ADAMTSL1: variants seen among roughly 807,000 people sequenced by gnomAD.
ADAMTSL1 encodes ADAMTS like 1, also known as ADAMTS-like protein 1.
In ADAMTSL1, 126 loss-of-function variants were observed where a neutral mutation model predicts 201.8. The ratio of observed to expected loss-of-function variants is 0.62; its 90% confidence interval spans 0.54 to 0.72. ADAMTSL1 has a LOEUF of 0.72. Ranked by LOEUF, ADAMTSL1 falls within the 30% of genes least tolerant of loss-of-function variation. The pLI is 0.00. For synonymous variants in ADAMTSL1, 1,121 were observed against 903.4 expected, an observed-to-expected ratio of 1.24 and a Z score of -4.32; for missense variants, 2,679 against 2,277.8, an observed-to-expected ratio of 1.18 and a Z score of -3.59.
At chr9:18,602,146 G>A (rs1824703577) in intron 4 of ADAMTSL1, among the ~76,000 whole-genome samples, 1 of 152,178 alleles carries the variant, frequency 6.6e-6, no homozygotes, top group Non-Finnish European at 1.5e-5. Flanking sequence ...TGAGAAGGTA[G>A]TCATATCTTG....
intron 4 of ADAMTSL1, among the ~76,000 whole-genome samples, chr9:18,589,758 G>C (rs1823788529): frequency 6.6e-6 from 1 of 152,062 alleles, no homozygotes; most frequent in Non-Finnish European, 1.5e-5. Context: ...TACCCAATTT[G>C]TTGAGGGTTT....
chr9:18,806,596 C>T (rs1260411989), intron 20 of ADAMTSL1, among the ~76,000 whole-genome samples: 1 of 152,230 alleles, frequency 6.6e-6, no homozygotes, highest in Non-Finnish European at 1.5e-5. Context: ...GCTTCTCTCT[C>T]AATCACCTTT....
intron 2 of ADAMTSL1, among the ~76,000 whole-genome samples, chr9:18,510,708 T>A (rs931903050): frequency 1.3e-5 from 2 of 152,020 alleles, no homozygotes; most frequent in Admixed American, 1.3e-4. Context: ...ATAATGTAAC[T>A]TTTACTAATC....
At chr9:18,418,320 A>C (rs1056283539) in intron 2 of ADAMTSL1, among the ~76,000 whole-genome samples, 9 of 152,202 alleles carry the variant, frequency 5.9e-5, no homozygotes, top group African/African-American at 2.2e-4. Flanking sequence ...AGTGATGTCC[A>C]ATCTCACTGC....
chr9:18,774,103 G>A (rs1244389037), intron 17 of ADAMTSL1, among the ~76,000 whole-genome samples: 3 of 151,946 alleles, frequency 2.0e-5, no homozygotes, highest in South Asian at 2.1e-4. Context: ...TCAAGTTAAC[G>A]TGGCACACTC....
Position 18,775,734 on chromosome 9 carries a change from C to T in ADAMTSL1, c.2398-9C>T. The T allele has an allele frequency of 1.2e-6, 2 of 1,611,848 alleles. No homozygotes were observed. The highest frequency in any genetic ancestry group is 2.2e-5 in the South Asian group (2 of 90,298). On this transcript the variant is annotated splice_polypyrimidine_tract_variant and intron_variant, in intron 17 of 28. Transcript: ENST00000380548. ...ATTTATGTGCATTTGGCCTTTCTTTCTCCACCAGTGTTCCACAAGCTGCGG... is the reference window on the plus strand; with the variant it reads ...ATTTATGTGCATTTGGCCTTTCTTTTTCCACCAGTGTTCCACAAGCTGCGG...
chr9:18,082,241 C>T (rs1311483867), intron 1 of ADAMTSL1, among the ~76,000 whole-genome samples: 1 of 152,006 alleles, frequency 6.6e-6, no homozygotes, highest in African/African-American at 2.4e-5. Flanking sequence ...TAAATATGTG[C>T]CCATATTAAG....
intron 1 of ADAMTSL1, among the ~76,000 whole-genome samples, chr9:18,499,834 A>C (rs1423444900): frequency 6.6e-6 from 1 of 152,220 alleles, no homozygotes; most frequent in African/African-American, 2.4e-5. Context: ...TTCAGCTGTT[A>C]TATGACTTCA....
At chr9:18,704,631 A>G (rs575754409) in intron 13 of ADAMTSL1, among the ~76,000 whole-genome samples, 1 of 152,346 alleles carries the variant, frequency 6.6e-6, no homozygotes, top group East Asian at 1.9e-4. Context: ...TTGTCACAGG[A>G]GCCAGGTAGG....
At chr9:18,092,334 AAAGGAAG>A (rs1824060100) in intron 1 of ADAMTSL1, among the ~76,000 whole-genome samples, 2 of 152,182 alleles carry the variant, frequency 1.3e-5, no homozygotes, top group Admixed American at 1.3e-4. Context: ...AAGGCTTCGC[AAAGGAAG>A]TGACATTTTT....
chr9:18,671,867 C>G (rs1829836611), intron 9 of ADAMTSL1, among the ~76,000 whole-genome samples: 2 of 152,176 alleles, frequency 1.3e-5, no homozygotes, highest in South Asian at 4.2e-4. Context: ...GAAACCCCAT[C>G]TCTACTAAAA....
At chr9:18,723,551 A>G (rs761849091) in intron 15 of ADAMTSL1, 13 of 161,374 alleles carry the variant, frequency 8.1e-5, no homozygotes, top group Non-Finnish European at 1.8e-4. Context: ...TTGTTGACTC[A>G]CAGACAAGAA....
chr9:18,886,223 CATATACATACATACAAGTATAT>C (rs1828882645), intron 23 of ADAMTSL1, among the ~76,000 whole-genome samples: 1 of 104,562 alleles, frequency 9.6e-6, no homozygotes, highest in South Asian at 3.1e-4. Context: ...CACACACATA[CATATACATACATACAAGTATAT>C]ACATACATAC....
At chr9:18,825,740 G>A (rs1280647708) in intron 21 of ADAMTSL1, among the ~76,000 whole-genome samples, 1 of 150,408 alleles carries the variant, frequency 6.6e-6, no homozygotes, top group African/African-American at 2.5e-5. Flanking sequence ...TCATTCCACT[G>A]ACTACTAACA....
chr9:18,712,143 G>C lies in ADAMTSL1; in HGVS notation c.1876+5095G>C, dbSNP rs1156293236. Among the ~76,000 whole-genome samples, 12 of 152,136 alleles carry C rather than the reference G, an allele frequency of 7.9e-5. No individual in the cohort carries two copies. The South Asian group carries it at 2.5e-3, about 32-fold the overall frequency. ...AAAAGTAGATAAAACCACAAAGATG[G>C]GGAAAAAAACAGAACAGAAAAACTG... On this transcript the variant is annotated intron_variant, in intron 14 of 28. Transcript: ENST00000380548.
At chr9:18,579,273 C>T (rs988833413) in intron 4 of ADAMTSL1, among the ~76,000 whole-genome samples, 1 of 145,844 alleles carries the variant, frequency 6.9e-6, no homozygotes, top group African/African-American at 2.6e-5. Context: ...CATATTCTCA[C>T]TCATAGGTGG....
At chr9:18,230,229 A>G (rs2132403423) in intron 2 of ADAMTSL1, among the ~76,000 whole-genome samples, 1 of 152,240 alleles carries the variant, frequency 6.6e-6, no homozygotes, top group East Asian at 1.9e-4. Context: ...GGCACTCATC[A>G]TATGCACACA....
At chr9:18,194,616 C>A (rs568267205) in intron 2 of ADAMTSL1, among the ~76,000 whole-genome samples, 11 of 152,062 alleles carry the variant, frequency 7.2e-5, no homozygotes, top group Non-Finnish European at 1.5e-4. Flanking sequence ...CACCCTCCAG[C>A]ATCTTTTTCT....
At chr9:18,217,767 C>G (rs1397110105) in intron 2 of ADAMTSL1, among the ~76,000 whole-genome samples, 1 of 152,114 alleles carries the variant, frequency 6.6e-6, no homozygotes, top group East Asian at 1.9e-4. Context: ...GCTTCACTGG[C>G]AAATGGAGAT....
Sources: gnomAD v4.1 joint callset for allele counts (sites outside exome capture counted in the v4.1 genomes callset) on GRCh38, gnomAD v4.1.1 for gene constraint, MANE v1.5 for transcripts, NCBI Gene and HGNC (gene_info 2026-07-23, HGNC 2026-07-21) for gene names.